The following STX8 variants were observed in gnomAD, a reference collection of about 807,000 sequenced individuals.
STX8 encodes the protein syntaxin-8.
STX8 carries 23 observed loss-of-function variants against 37.5 expected under a neutral mutation model. The ratio of observed to expected loss-of-function variants is 0.61; its 90% CI spans 0.44 to 0.87. STX8 has a LOEUF of 0.87. Ranked by LOEUF, STX8 falls within the 40% of genes least tolerant of loss-of-function variation. STX8 has a pLI of 0.00. For missense variants in STX8, 313 were observed against 284.7 expected (o/e 1.10, Z -0.71); for synonymous variants, 115 against 99.1 (o/e 1.16, Z -0.95).
chr17:9,254,570 A>G (rs1906716101), intron 7 of STX8, among the ~76,000 whole-genome samples: 1 of 151,858 alleles, frequency 6.6e-6, no homozygotes, highest in African/African-American at 2.4e-5. Context: ...TAATTTTTGT[A>G]TTTTTAGTAG....
At chr17:9,450,090 T>A (rs1303518385) in intron 6 of STX8, among the ~76,000 whole-genome samples, 2 of 152,006 alleles carry the variant, frequency 1.3e-5, no homozygotes, top group African/African-American at 4.9e-5. Context: ...CATGTAACTT[T>A]TTTTTTGAGA....
At chr17:9,543,698 A>G (rs1906378132) in intron 4 of STX8, among the ~76,000 whole-genome samples, 1 of 152,064 alleles carries the variant, frequency 6.6e-6, no homozygotes, top group Non-Finnish European at 1.5e-5. Flanking sequence ...TCACCCCTGT[A>G]CCCTGGGACT....
At chr17:9,460,641 C>T (rs193157319) in intron 6 of STX8, among the ~76,000 whole-genome samples, 2,324 of 138,816 alleles carry the variant, frequency 0.017, 35 homozygotes, top group Middle Eastern at 0.06. Flanking sequence ...CCACTGCACT[C>T]CAGCCTGGGA....
rs536410095 is a variant in STX8 at position 9,308,692 on chromosome 17, T to C, written c.644-58047A>G. 3.7e-5 allele frequency among the ~76,000 whole-genome samples: 5 copies of C among 133,852 alleles called. No individual in the cohort carries two copies. In the South Asian group the frequency reaches 1.2e-3, roughly 31 times the overall value. 87.8% of individuals were successfully genotyped at this position (133,852 alleles called of 152,430 possible). A position where few individuals can be genotyped will look rare whatever the true frequency, so the allele number is the denominator to read the frequency against. ...GAGCCGAGATCGTGCCATAGCACTC[T>C]AGCCTGGAGGACAACAGTGAAACTC... On this transcript the variant is annotated intron_variant, in intron 7 of 7. Transcript: ENST00000306357.
chr17:9,298,497 T>A (rs1908645839), intron 7 of STX8, among the ~76,000 whole-genome samples: 1 of 152,110 alleles, frequency 6.6e-6, no homozygotes, highest in Non-Finnish European at 1.5e-5. Context: ...CAAATGTACT[T>A]CTGTTATTCC....
intron 1 of STX8, among the ~76,000 whole-genome samples, chr17:9,568,804 G>T (rs1419688467): frequency 6.6e-6 from 1 of 152,002 alleles, no homozygotes; most frequent in African/African-American, 2.4e-5. Context: ...TGGCCTTAAG[G>T]TTCTTTAAAA....
intron 7 of STX8, among the ~76,000 whole-genome samples, chr17:9,323,047 A>T (rs1385385126): frequency 6.6e-6 from 1 of 152,126 alleles, no homozygotes; most frequent in Non-Finnish European, 1.5e-5. Flanking sequence ...AGAAGATCTT[A>T]AAAAATAGGG....
chr17:9,261,083 G>C (rs772678764), intron 7 of STX8, among the ~76,000 whole-genome samples: 1 of 152,346 alleles, frequency 6.6e-6, no homozygotes, highest in East Asian at 1.9e-4. Context: ...TGCAGGTGAC[G>C]GGGCAGAGAG....
intron 6 of STX8, among the ~76,000 whole-genome samples, chr17:9,394,945 C>T (rs927832653): frequency 1.5e-4 from 19 of 126,092 alleles, no homozygotes; most frequent in Admixed American, 7.9e-4. Context: ...GGCGTAGTGG[C>T]GGGCGCCGTA....
chr17:9,276,748 G>C lies in STX8; in HGVS notation c.644-26103C>G, dbSNP rs568402651. On this transcript the variant is annotated intron_variant, in intron 7 of 7. Coordinates refer to ENST00000306357, the MANE Select transcript of STX8 (RefSeq NM_004853.3). ...CCTCCTGGATTCAAGCCATTCTCCT[G>C]CCTCAGCCTCCTGAGTAGCTGGGAT... 4.0e-5 allele frequency among the ~76,000 whole-genome samples: 6 copies of C among 151,012 alleles called. No homozygotes were observed. In the South Asian group the frequency reaches 8.4e-4, roughly 21 times the overall value.
At chr17:9,370,332 T>C (rs543663631) in intron 7 of STX8, among the ~76,000 whole-genome samples, 49 of 152,312 alleles carry the variant, frequency 3.2e-4, no homozygotes, top group African/African-American at 9.4e-4. Flanking sequence ...AACAATCACA[T>C]GTACTACTAA....
rs565115398 is a variant in STX8 at position 9,536,452 on chromosome 17, G to A, written c.323+8720C>T. Among the ~76,000 whole-genome samples, 6 of 152,260 alleles carry A rather than the reference G, an allele frequency of 3.9e-5. No individual in the cohort carries two copies. In the South Asian group the frequency reaches 1.2e-3, roughly 32 times the overall value. On this transcript the variant is annotated intron_variant, in intron 4 of 7. Coordinates refer to ENST00000306357, the MANE Select transcript of STX8 (RefSeq NM_004853.3). ...TTCCCTATTTAAGCCATTTTGAGCAGGGTAATCTGTTATATGTGGTTGAGA... is the reference window on the plus strand; with the variant it reads ...TTCCCTATTTAAGCCATTTTGAGCAAGGTAATCTGTTATATGTGGTTGAGA...
At chr17:9,333,035 A>T (rs899203188) in intron 7 of STX8, among the ~76,000 whole-genome samples, 2 of 152,206 alleles carry the variant, frequency 1.3e-5, no homozygotes, top group Admixed American at 6.5e-5. Context: ...ATATGCGTCC[A>T]AGTTTCCTGT....
chr17:9,548,098 T>G (rs905057393), intron 3 of STX8, among the ~76,000 whole-genome samples: 2 of 150,750 alleles, frequency 1.3e-5, no homozygotes, highest in African/African-American at 4.9e-5. Flanking sequence ...TATACATTCT[T>G]TCTTTATTAT....
At chr17:9,366,112 C>T (rs1911222485) in intron 7 of STX8, among the ~76,000 whole-genome samples, 1 of 152,262 alleles carries the variant, frequency 6.6e-6, no homozygotes. Flanking sequence ...TCTCAGCAAG[C>T]AGCCTTGATC....
At chr17:9,376,333 G>A (rs1436296091) in intron 7 of STX8, among the ~76,000 whole-genome samples, 4 of 151,954 alleles carry the variant, frequency 2.6e-5, no homozygotes, top group African/African-American at 7.2e-5. Flanking sequence ...ACACCAACCA[G>A]CACGCTGTAA....
intron 6 of STX8, among the ~76,000 whole-genome samples, chr17:9,484,901 T>TG (rs2142461840): frequency 6.6e-6 from 1 of 152,082 alleles, no homozygotes; most frequent in East Asian, 1.9e-4. Context: ...GTCAGTATGG[T>TG]GGGGTGTGTA....
At position 9,345,848 on chromosome 17, in the gene STX8, C is replaced by CTTTTTTTTTTTTTTTTTTTTTTTTTTTTT. The variant is rs545020159; in HGVS notation, c.643+32703_643+32704insAAAAAAAAAAAAAAAAAAAAAAAAAAAAA. Reference sequence around the variant, plus strand: ...CATTATACCTCCGGGTTATGCATTCCTTTTTTTTTTTTTTTTTTTTGAGAT... The same window carrying CTTTTTTTTTTTTTTTTTTTTTTTTTTTTT: ...CATTATACCTCCGGGTTATGCATTCCTTTTTTTTTTTTTTTTTTTTTTTTTTTTTTTTTTTTTTTTTTTTTTTTTGAGAT... On this transcript the variant is annotated intron_variant, in intron 7 of 7. Transcript: ENST00000306357. Among the ~76,000 whole-genome samples, 3 of 52,076 alleles carry CTTTTTTTTTTTTTTTTTTTTTTTTTTTTT rather than the reference C, an allele frequency of 5.8e-5. 1 individual carries two copies. The highest frequency in any genetic ancestry group is 1.4e-4 in the African/African-American group (2 of 14,630). The allele number at this position is 52,076 out of a possible 152,430, so 34.2% of individuals were successfully genotyped here.
At chr17:9,473,191 ATT>A (rs1037408555) in intron 6 of STX8, among the ~76,000 whole-genome samples, 2 of 151,468 alleles carry the variant, frequency 1.3e-5, no homozygotes, top group African/African-American at 4.9e-5. Flanking sequence ...TAATTTTTGT[ATT>A]TTTTTAGTAG....
Sources: gnomAD v4.1 joint callset for allele counts (sites outside exome capture counted in the v4.1 genomes callset) on GRCh38, gnomAD v4.1.1 for gene constraint, MANE v1.5 for transcripts, NCBI Gene and HGNC (gene_info 2026-07-23, HGNC 2026-07-21) for gene names.